Variants in ZFAT observed in about 807,000 individuals in gnomAD.
ZFAT encodes the protein zinc finger protein ZFAT.
ZFAT carries 64 observed loss-of-function variants against 117.7 expected under a neutral mutation model. The observed-to-expected ratio is 0.54, with a 90% CI of 0.44 to 0.67. The LOEUF is 0.67. ZFAT is among the 30% of genes least tolerant of loss of function. The pLI is 0.00. For missense variants in ZFAT, 1,433 were observed against 1,584.5 expected, an observed-to-expected ratio of 0.90 and a Z score of 1.62; for synonymous variants, 679 against 615.0, an observed-to-expected ratio of 1.10 and a Z score of -1.54.
At chr8:134,778,543 C>T in the ZFAT span, among the ~76,000 whole-genome samples, 1 of 152,236 alleles carries the variant, frequency 6.6e-6, no homozygotes, top group East Asian at 1.9e-4. Context: ...TACCTGATTA[C>T]CAACCATGGC....
chr8:134,770,824 A>T, the ZFAT span, among the ~76,000 whole-genome samples: 1 of 152,194 alleles, frequency 6.6e-6, no homozygotes, highest in Non-Finnish European at 1.5e-5. Flanking sequence ...CCCTGGGCGT[A>T]GCTGTCTCTT....
intron 14 of ZFAT, chr8:134,509,961 A>C: frequency 1.7e-6 from 1 of 601,114 alleles, no homozygotes; most frequent in Non-Finnish European, 2.9e-6. Context: ...AACCCCAAGC[A>C]ACCCTGTGAG....
At chr8:134,556,480 C>A (rs541244704) in intron 11 of ZFAT, among the ~76,000 whole-genome samples, 2 of 152,018 alleles carry the variant, frequency 1.3e-5, no homozygotes, top group East Asian at 1.9e-4. Flanking sequence ...GCTCAACAAA[C>A]CCCAAGTAAG....
the ZFAT span, among the ~76,000 whole-genome samples, chr8:134,831,296 T>C: frequency 1.3e-5 from 2 of 152,258 alleles, no homozygotes; most frequent in African/African-American, 4.8e-5. Context: ...AGGATTAATG[T>C]ATTTCCTGCA....
the ZFAT span, among the ~76,000 whole-genome samples, chr8:134,808,382 T>C: frequency 6.6e-6 from 1 of 152,354 alleles, no homozygotes; most frequent in Admixed American, 6.5e-5. Flanking sequence ...AGCACAGCAC[T>C]TACTCTTTTG....
chr8:134,638,731 T>TAA (rs71913883), intron 2 of ZFAT, among the ~76,000 whole-genome samples: 11 of 130,200 alleles, frequency 8.4e-5, no homozygotes, highest in East Asian at 4.2e-4. Context: ...CCATCTCAAA[T>TAA]AAAAAAAAAA....
the ZFAT span, chr8:134,792,817 T>A: frequency 4.6e-5 from 7 of 152,226 alleles, no homozygotes; most frequent in African/African-American, 1.7e-4. Context: ...GATAATACCT[T>A]TTTATAGTGC....
intron 13 of ZFAT, 135 bp from the exon 14 acceptor site, chr8:134,512,736 CCT>C (rs1819951708): frequency 8.7e-7 from 1 of 1,152,582 alleles, no homozygotes; most frequent in Non-Finnish European, 1.2e-6. Context: ...ACCTGGCACC[CCT>C]GAGAAACCAG....
At chr8:134,516,331 C>T (rs991445184) in intron 13 of ZFAT, among the ~76,000 whole-genome samples, 1 of 152,206 alleles carries the variant, frequency 6.6e-6, no homozygotes, top group Non-Finnish European at 1.5e-5. Context: ...TTTCAGGAGA[C>T]ACGCTTTGGA....
At chr8:134,828,027 T>C in the ZFAT span, among the ~76,000 whole-genome samples, 2 of 152,182 alleles carry the variant, frequency 1.3e-5, no homozygotes, top group African/African-American at 4.8e-5. Flanking sequence ...TATACTCACC[T>C]TTTTTACATG....
the ZFAT span, chr8:134,766,528 T>C: frequency 2.6e-5 from 4 of 152,158 alleles, no homozygotes. Context: ...GCCTTTCCAA[T>C]CCCAGCAATG....
At chr8:134,483,796 G>A (rs957815989) in intron 15 of ZFAT, among the ~76,000 whole-genome samples, 1 of 152,182 alleles carries the variant, frequency 6.6e-6, no homozygotes, top group South Asian at 2.1e-4. Flanking sequence ...TGTCAGGACC[G>A]GCACTTTGCT....
At chr8:134,775,235 T>C in the ZFAT span, among the ~76,000 whole-genome samples, 3 of 152,252 alleles carry the variant, frequency 2.0e-5, no homozygotes, top group African/African-American at 7.2e-5. Flanking sequence ...TGTTATATTC[T>C]CTTATACTGT....
At chr8:134,634,248 T>C (rs2131085228) in intron 3 of ZFAT, among the ~76,000 whole-genome samples, 1 of 152,292 alleles carries the variant, frequency 6.6e-6, no homozygotes, top group East Asian at 1.9e-4. Flanking sequence ...TGAAAAAAGA[T>C]CACAGAATAT....
At chr8:134,667,735 G>A (rs28811090) in intron 1 of ZFAT, among the ~76,000 whole-genome samples, 52,507 of 151,906 alleles carry the variant, frequency 0.35, 9,449 homozygotes, top group South Asian at 0.43. Context: ...CCGGGTTCAT[G>A]TCACTGGGGC....
intron 2 of ZFAT, among the ~76,000 whole-genome samples, chr8:134,653,732 A>C (rs1831424121): frequency 6.6e-6 from 1 of 152,170 alleles, no homozygotes; most frequent in Admixed American, 6.5e-5. Context: ...ACCTCAATAA[A>C]ACTAAAAAAA....
chr8:134,616,465 G>A (rs1485895587), intron 3 of ZFAT, among the ~76,000 whole-genome samples: 1 of 152,136 alleles, frequency 6.6e-6, no homozygotes, highest in Non-Finnish European at 1.5e-5. Flanking sequence ...TCGAGGACCC[G>A]ACCTAGAAGT....
intron 10 of ZFAT, among the ~76,000 whole-genome samples, chr8:134,577,076 C>T (rs1243214685): frequency 6.6e-6 from 1 of 152,224 alleles, no homozygotes; most frequent in African/African-American, 2.4e-5. Context: ...CCAGACAGCA[C>T]ATCATGTCTA....
chr8:134,780,341 T>A, the ZFAT span, among the ~76,000 whole-genome samples: 1 of 152,198 alleles, frequency 6.6e-6, no homozygotes, highest in Admixed American at 6.5e-5. Flanking sequence ...ACTCAGTAAA[T>A]GGTAACTCTA....
Sources: gnomAD v4.1 joint callset for allele counts (sites outside exome capture counted in the v4.1 genomes callset) on GRCh38, gnomAD v4.1.1 for gene constraint, MANE v1.5 for transcripts, NCBI Gene and HGNC (gene_info 2026-07-23, HGNC 2026-07-21) for gene names.